The following FBXO4 variants were observed in gnomAD, a reference collection of about 807,000 sequenced individuals.
The protein encoded by FBXO4 is F-box protein 4.
In FBXO4, 36 loss-of-function variants were observed where a neutral mutation model predicts 43.7. The observed-to-expected ratio is 0.82, with a 90% CI of 0.63 to 1.09. FBXO4 has a LOEUF of 1.09. Among genes scored for constraint, FBXO4 ranks in the 50% least tolerant of loss-of-function variants. The pLI, the probability that FBXO4 is intolerant of heterozygous loss-of-function variation, is 0.00. For missense variants in FBXO4, 435 were observed against 474.1 expected, an observed-to-expected ratio of 0.92 and a Z score of 0.77; for synonymous variants, 180 against 165.6, an observed-to-expected ratio of 1.09 and a Z score of -0.67.
chr5:41,972,909 C>CA, the FBXO4 span, among the ~76,000 whole-genome samples: 1 of 152,094 alleles, frequency 6.6e-6, no homozygotes, highest in African/African-American at 2.4e-5. Flanking sequence ...TCACCATATA[C>CA]AAAAATCAAC....
chr5:42,002,065 T>C, the FBXO4 span, among the ~76,000 whole-genome samples: 836 of 152,334 alleles, frequency 5.5e-3, no homozygotes, highest in Non-Finnish European at 9.2e-3. Flanking sequence ...GTTGATTTTG[T>C]ATCCTGCAAT....
the FBXO4 span, among the ~76,000 whole-genome samples, chr5:42,005,463 A>C: frequency 6.6e-6 from 1 of 152,240 alleles, no homozygotes; most frequent in Non-Finnish European, 1.5e-5. Context: ...AGGTGTTTAA[A>C]ATGAAGATTT....
the FBXO4 span, among the ~76,000 whole-genome samples, chr5:41,970,450 C>A: frequency 1.3e-5 from 2 of 151,226 alleles, no homozygotes; most frequent in African/African-American, 4.9e-5. Flanking sequence ...ATAAAATATG[C>A]AAGAAATTAT....
At chr5:42,007,190 A>C in the FBXO4 span, among the ~76,000 whole-genome samples, 3 of 144,602 alleles carry the variant, frequency 2.1e-5, no homozygotes, top group Non-Finnish European at 4.6e-5. Context: ...GATGTTACTG[A>C]TGTCTTTATA....
the FBXO4 span, among the ~76,000 whole-genome samples, chr5:42,011,157 A>T: frequency 1.3e-5 from 2 of 152,066 alleles, no homozygotes; most frequent in African/African-American, 4.8e-5. Context: ...ACTTGCTGTG[A>T]TTGGGATGCA....
chr5:41,963,707 C>G, the FBXO4 span, among the ~76,000 whole-genome samples: 1 of 152,192 alleles, frequency 6.6e-6, no homozygotes, highest in South Asian at 2.1e-4. Context: ...TCTTCATTGT[C>G]TTCATATTGA....
rs1751792251 is a variant in FBXO4, at chr5:41,934,322, T to C, written c.898+14T>C. The stretch of plus-strand genomic sequence containing the variant: ...AAGCTCATAAAAGTAAGTACTCATA[T>C]GTACATTTTTAAGCACATTGTTCTT... On this transcript the variant is annotated intron_variant, in intron 5 of 6. Transcript: ENST00000281623. 6.2e-7 allele frequency: 1 copy of C among 1,613,922 alleles called. No individual in the cohort carries two copies. The highest frequency in any genetic ancestry group is 8.5e-7 in the Non-Finnish European group (1 of 1,179,982).
At chr5:41,939,155 G>A in intron 5 of FBXO4, 1 of 227,128 alleles carries the variant, frequency 4.4e-6, no homozygotes, top group Non-Finnish European at 8.6e-6. Flanking sequence ...GAGATTGTTG[G>A]TATTCATAAA....
At chr5:41,950,402 A>G in the FBXO4 span, among the ~76,000 whole-genome samples, 9 of 152,320 alleles carry the variant, frequency 5.9e-5, no homozygotes, top group South Asian at 1.9e-3. Flanking sequence ...AAAGTGGGCA[A>G]AGGATAAGAT....
chr5:41,930,030 T>G (rs1751633928), intron 3 of FBXO4, 113 bp downstream of exon 3: 6 of 866,190 alleles, frequency 6.9e-6, no homozygotes, highest in Non-Finnish European at 1.0e-5. Context: ...GTACAGTACT[T>G]TGGTTGTTGG....
chr5:41,994,716 A>T, the FBXO4 span, among the ~76,000 whole-genome samples: 7 of 152,180 alleles, frequency 4.6e-5, no homozygotes, highest in African/African-American at 1.7e-4. Context: ...CTATTGACTT[A>T]AAGGTGGGAG....
the FBXO4 span, among the ~76,000 whole-genome samples, chr5:41,971,898 C>T: frequency 6.6e-6 from 1 of 152,060 alleles, no homozygotes; most frequent in Admixed American, 6.6e-5. Flanking sequence ...TCTTTCTACT[C>T]TCTTTTCAAA....
the FBXO4 span, among the ~76,000 whole-genome samples, chr5:41,989,631 G>A: frequency 6.6e-6 from 1 of 152,078 alleles, no homozygotes; most frequent in South Asian, 2.1e-4. Context: ...GCAGTAGTCA[G>A]GTGCTCTATA....
At chr5:41,977,323 G>C in the FBXO4 span, among the ~76,000 whole-genome samples, 68 of 152,156 alleles carry the variant, frequency 4.5e-4, no homozygotes, top group African/African-American at 1.5e-3. Context: ...TCTGCCACAT[G>C]GCTAGCTTGC....
intron 6 of FBXO4, 38 bp from the exon 7 acceptor site, chr5:41,941,154 G>C (rs377698302): frequency 2.4e-5 from 37 of 1,558,000 alleles, no homozygotes; most frequent in Non-Finnish European, 3.1e-5. Flanking sequence ...TTTGGACTTA[G>C]TTTCTTACTA....
the FBXO4 span, among the ~76,000 whole-genome samples, chr5:42,007,226 G>T: frequency 6.6e-6 from 1 of 151,636 alleles, no homozygotes; most frequent in African/African-American, 2.4e-5. Flanking sequence ...GACACAGAGT[G>T]AGGCCCTGTC....
chr5:42,021,271 C>CA, the FBXO4 span, among the ~76,000 whole-genome samples: 8 of 152,086 alleles, frequency 5.3e-5, no homozygotes, highest in Admixed American at 2.0e-4. Context: ...GTGGAACGGA[C>CA]ATGGATACAA....
the FBXO4 span, among the ~76,000 whole-genome samples, chr5:41,985,251 T>A: frequency 6.6e-6 from 1 of 152,176 alleles, no homozygotes; most frequent in Non-Finnish European, 1.5e-5. Flanking sequence ...CCCTTCATAT[T>A]CTCATACTAA....
the FBXO4 span, among the ~76,000 whole-genome samples, chr5:42,003,880 T>A: frequency 6.6e-6 from 1 of 152,128 alleles, no homozygotes; most frequent in Non-Finnish European, 1.5e-5. Flanking sequence ...ACTGGGTATA[T>A]ACCCAAAGAA....
Sources: gnomAD v4.1 joint callset for allele counts (sites outside exome capture counted in the v4.1 genomes callset) on GRCh38, gnomAD v4.1.1 for gene constraint, MANE v1.5 for transcripts, NCBI Gene and HGNC (gene_info 2026-07-23, HGNC 2026-07-21) for gene names.